Variants in HEATR1 observed in about 807,000 individuals in gnomAD.
The protein encoded by HEATR1 is HEAT repeat-containing protein 1.
Under a neutral mutation model 248.2 loss-of-function variants are expected in HEATR1, and 77 were observed. That is an observed-to-expected ratio of 0.31 (90% CI 0.26 to 0.37). HEATR1 has a LOEUF of 0.37. Ranked by LOEUF, HEATR1 falls within the 10% of genes least tolerant of loss-of-function variation. HEATR1 has a pLI of 1.00. For missense variants in HEATR1, 2,420 were observed against 2,504.9 expected (o/e 0.97, Z 0.72); for synonymous variants, 897 against 923.1 (o/e 0.97, Z 0.51).
chr1:236,575,650 A>G (rs1663545868), intron 22 of HEATR1, among the ~76,000 whole-genome samples: 1 of 152,224 alleles, frequency 6.6e-6, no homozygotes. Flanking sequence ...CTCTAAGCCC[A>G]CAGTCAGTCT....
intron 8 of HEATR1, 54 bp from the exon 9 acceptor site, chr1:236,594,168 CATT>C: frequency 2.6e-6 from 3 of 1,156,616 alleles, no homozygotes; most frequent in African/African-American, 3.1e-5. Context: ...TGCAAGCTAA[CATT>C]ATTAAATTCA....
At position 236,595,745 on chromosome 1, in the gene HEATR1, T is replaced by C. The variant is rs1017066858; in HGVS notation, c.957-72A>G. On this transcript the variant is annotated intron_variant, in intron 7 of 44. Transcript: ENST00000366582. Reference sequence around the variant, plus strand: ...CAATGAGTAACAATATAAGAAAATATATAATCACTTATCTTACAAAAAAAA... The same window carrying C: ...CAATGAGTAACAATATAAGAAAATACATAATCACTTATCTTACAAAAAAAA... The C allele has an allele frequency of 1.5e-5, 22 of 1,511,014 alleles. No homozygotes were observed. The South Asian group carries it at 2.3e-4, about 16-fold the overall frequency. The allele number at this position is 1,511,014 out of a possible 1,614,324, so 93.6% of individuals were successfully genotyped here.
Position 236,550,994 on chromosome 1 carries a change from A to T in HEATR1, c.6347-4T>A, listed in dbSNP as rs1367790287. On this transcript the variant is annotated splice_region_variant and splice_polypyrimidine_tract_variant and intron_variant, in intron 44 of 44. Transcript: ENST00000366582. ...TGTTCTACTTCTTCACATTCATCTA[A>T]AAAAAAAAAAAAAAAATCAAAATTA... 9.3e-6 allele frequency: 11 copies of T among 1,188,418 alleles called. No homozygotes were observed. The highest frequency in any genetic ancestry group is 5.5e-5 in the Admixed American group (2 of 36,548). 73.6% of individuals were successfully genotyped at this position (1,188,418 alleles called of 1,614,324 possible).
chr1:236,559,959 T>C, intron 33 of HEATR1, 122 bp from the exon 34 acceptor site: 2 of 1,016,098 alleles, frequency 2.0e-6, no homozygotes, highest in Non-Finnish European at 2.8e-6. Flanking sequence ...TACTAAATTA[T>C]TTCAAAAACT....
chr1:236,557,376 T>A (rs377140317), intron 36 of HEATR1, 31 bp from the exon 37 acceptor site: 3 of 1,609,232 alleles, frequency 1.9e-6, no homozygotes, highest in East Asian at 4.5e-5. Context: ...TTAGAAGAAC[T>A]TGAAGCAGAA....
At chr1:236,558,635 G>GACCCCC in intron 35 of HEATR1, 106 bp from the exon 36 acceptor site, 1 of 1,139,034 alleles carries the variant, frequency 8.8e-7, no homozygotes, top group Non-Finnish European at 1.2e-6. Context: ...TCAGACTCGG[G>GACCCCC]GGTCCTGAGT....
intron 17 of HEATR1, among the ~76,000 whole-genome samples, 167 bp from the exon 18 acceptor site, chr1:236,583,363 T>A (rs1237393953): frequency 2.0e-5 from 3 of 152,234 alleles, no homozygotes; most frequent in Non-Finnish European, 4.4e-5. Flanking sequence ...TTATCACTAT[T>A]CACAAGGAAA....
At chr1:236,553,258 G>A (rs1475134) in intron 43 of HEATR1, among the ~76,000 whole-genome samples, 90,722 of 152,114 alleles carry the variant, frequency 0.6, 28,276 homozygotes, top group Non-Finnish European at 0.69. Context: ...ACATTTCAAT[G>A]GCACTTAAAA....
chr1:236,595,932 A>T lies in HEATR1; in HGVS notation c.857T>A (p.Ile286Asn). ...GGGAATCTTGGTCAATGTTTTGATG[A>T]TCTGTGATGCCAATGAATTCACAAA... is the stretch of plus-strand genomic sequence containing the variant. ...NTFVNSLASQ[I>N]IKTLTKIPSL... Residue 286 changes from isoleucine (I) to asparagine (N), a missense_variant, in exon 7 of 45, where the codon ATC becomes AAC. By Grantham distance (149) the Ile-to-Asn change is moderately radical (BLOSUM62 -3). Transcript: ENST00000366582. The T allele has an allele frequency of 6.2e-7, 1 of 1,613,952 alleles. No individual in the cohort carries two copies. Among genetic ancestry groups the T allele is most frequent in the Non-Finnish European group, 8.5e-7 (1 of 1,179,834 alleles).
intron 3 of HEATR1, among the ~76,000 whole-genome samples, chr1:236,600,271 C>A (rs541738329): frequency 6.6e-6 from 1 of 150,674 alleles, no homozygotes; most frequent in Non-Finnish European, 1.5e-5. Context: ...GGACTACAAA[C>A]TCATACCACC....
chr1:236,568,083 C>A (rs985404135), intron 29 of HEATR1, among the ~76,000 whole-genome samples: 3 of 152,220 alleles, frequency 2.0e-5, no homozygotes, highest in Non-Finnish European at 4.4e-5. Flanking sequence ...ACATGCTGTG[C>A]ACATTCCTAG....
chr1:236,554,271 G>A (rs1285685274), intron 42 of HEATR1, among the ~76,000 whole-genome samples: 3 of 151,880 alleles, frequency 2.0e-5, no homozygotes, highest in African/African-American at 7.3e-5. Context: ...GGGCGCCTGT[G>A]ATCCCAGCTA....
At position 236,592,539 on chromosome 1, in the gene HEATR1, TA is replaced by T; in HGVS notation, c.1287del (p.Arg430GlyfsTer3). 7.0e-7 allele frequency: 1 copy of T among 1,431,170 alleles called. No homozygotes were observed. Among genetic ancestry groups the T allele is most frequent in the Non-Finnish European group, 9.8e-7 (1 of 1,016,622 alleles). The allele number at this position is 1,431,170 out of a possible 1,614,324, so 88.7% of individuals were successfully genotyped here. A position where few individuals can be genotyped will look rare whatever the true frequency, so the allele number is the denominator to read the frequency against. On this transcript the variant is annotated frameshift_variant, in exon 10 of 45. Coordinates refer to ENST00000366582, the MANE Select transcript of HEATR1 (RefSeq NM_018072.6). LOFTEE classifies it high-confidence loss of function. ...GTAACTTACTTGCTTTCTAAAAGCCTAATGAGTGGAAGAAATTGTTCATTAA... is the reference window on the plus strand; with the variant it reads ...GTAACTTACTTGCTTTCTAAAAGCCTATGAGTGGAAGAAATTGTTCATTAA... The part of the protein sequence containing the change: ...SLLNEQFLPL[I>X]RLLESKYPRT...
intron 15 of HEATR1, 22 bp downstream of exon 15, chr1:236,586,219 A>C (rs760341779): frequency 6.4e-7 from 1 of 1,566,662 alleles, no homozygotes. Context: ...ACTTTTTCTA[A>C]AAAAACAACT....
Position 236,594,097 on chromosome 1 carries a change from T to G in HEATR1, c.1108A>C (p.Met370Leu), listed in dbSNP as rs974608655. The change falls in exon 9 of 45, where the codon ATG becomes CTG. Residue 370 changes from methionine to leucine, a missense_variant. Met to Leu is a conservative substitution (Grantham distance 15). Transcript: ENST00000366582. ...TGTCTCTTGTAGATTTGACCATCCA[T>G]TCCTTCAGTTTCTTCTCCTTAATAT... ...HHVTGEETEG[M>L]DGQIYKRHLE... is the part of the protein sequence containing the mutation. The G allele has an allele frequency of 2.5e-6, 4 of 1,591,350 alleles. No homozygotes were observed. In the African/African-American group the frequency reaches 5.4e-5, roughly 22 times the overall value.
intron 28 of HEATR1, among the ~76,000 whole-genome samples, chr1:236,569,890 C>G (rs1045220844): frequency 6.6e-6 from 1 of 152,200 alleles, no homozygotes; most frequent in Non-Finnish European, 1.5e-5. Context: ...AAATGTCCAT[C>G]AACCGATGAA....
chr1:236,571,377 A>G lies in HEATR1; in HGVS notation c.3922T>C (p.Leu1308=). Residue 1308 remains leucine (L), a synonymous_variant, in exon 28 of 45, where the codon TTG becomes CTG. Coordinates refer to ENST00000366582, the MANE Select transcript of HEATR1 (RefSeq NM_018072.6). The part of the protein sequence containing the change: ...PQTHHHALLL[L]GTVAGIFPDK... ...GGAAATATTCCAGCAACAGTGCCCA[A>G]AAGTAAAAGGGCATGGTGATGGGTC... is the stretch of plus-strand genomic sequence containing the variant. 6.2e-7 allele frequency: 1 copy of G among 1,601,828 alleles called. No homozygotes were observed. Among genetic ancestry groups the G allele is most frequent in the Non-Finnish European group, 8.5e-7 (1 of 1,177,232 alleles).
chr1:236,563,120 C>A (rs1483070914), intron 32 of HEATR1, among the ~76,000 whole-genome samples: 1 of 152,142 alleles, frequency 6.6e-6, no homozygotes, highest in Non-Finnish European at 1.5e-5. Flanking sequence ...TGAATAGAAA[C>A]AATGACAGAG....
chr1:236,603,961 G>A lies in HEATR1; in HGVS notation c.135C>T (p.Phe45=), dbSNP rs1277628330. ...AGTTAAAAGATGGCTCACCAATGGC[G>A]AAGGCGGTGTCCCTGTCGATTGTGG... is the stretch of plus-strand genomic sequence containing the variant. ...EAATIDRDTA[F]AIGCTGLEEL... is the part of the protein sequence containing the mutation. The change falls in exon 2 of 45, where the codon TTC becomes TTT. Residue 45 remains phenylalanine, a synonymous_variant. Coordinates refer to ENST00000366582, the MANE Select transcript of HEATR1 (RefSeq NM_018072.6). 6.3e-7 allele frequency: 1 copy of A among 1,592,122 alleles called. No homozygotes were observed.
Sources: allele counts gnomAD v4.1 joint callset (sites outside exome capture counted in the v4.1 genomes callset), GRCh38; gene constraint gnomAD v4.1.1; transcripts MANE v1.5; gene names NCBI Gene and HGNC (gene_info 2026-07-23, HGNC 2026-07-21).